PRKAR1A: variants seen among roughly 807,000 people sequenced by gnomAD.
PRKAR1A encodes the protein cAMP-dependent protein kinase type I-alpha regulatory subunit.
Under a neutral mutation model 52.0 loss-of-function variants are expected in PRKAR1A, and 3 were observed. The observed-to-expected ratio is 0.06, with a 90% confidence interval of 0.03 to 0.15. The LOEUF is 0.15. Among genes scored for constraint, PRKAR1A ranks in the 10% least tolerant of loss-of-function variants. PRKAR1A has a pLI of 1.00. For missense variants in PRKAR1A, 240 were observed against 477.4 expected, an observed-to-expected ratio of 0.50 and a Z score of 4.63; for synonymous variants, 188 against 168.4, an observed-to-expected ratio of 1.12 and a Z score of -0.90.
chr17:68,428,745 A>G, the PRKAR1A span: 1 of 1,043,714 alleles, frequency 9.6e-7, no homozygotes, highest in South Asian at 1.4e-5. Flanking sequence ...ATGCAAGGGC[A>G]CTGAAGCTTG....
chr17:68,426,251 G>GT, the PRKAR1A span: 1 of 825,454 alleles, frequency 1.2e-6, no homozygotes, highest in Admixed American at 2.3e-5. Context: ...GTGGGGAGCG[G>GT]GGGCTCAAAT....
In PRKAR1A at chr17:68,531,324, G is replaced by A. The variant is rs2085968692; in HGVS notation, c.*875G>A. ...CTTGGTTGTTAATTTAGAGCGTTTG[G>A]TTAAAGTATGTCCTTCAGCTGACTC... On this transcript the variant is annotated 3_prime_UTR_variant, in exon 11 of 11. Coordinates refer to ENST00000589228, the MANE Select transcript of PRKAR1A (RefSeq NM_002734.5). 1 of 1,065,888 alleles carries A rather than the reference G, an allele frequency of 9.4e-7. No homozygotes were observed. Among genetic ancestry groups the A allele is most frequent in the Non-Finnish European group, 1.1e-6 (1 of 879,532 alleles). The allele number at this position is 1,065,888 out of a possible 1,614,324, so 66.0% of individuals were successfully genotyped here.
the PRKAR1A span, among the ~76,000 whole-genome samples, chr17:68,433,760 G>GTTTTTTTTTTTT: frequency 1.9e-4 from 14 of 72,820 alleles, 2 homozygotes; most frequent in African/African-American, 7.2e-4. Flanking sequence ...AAGGGTCATA[G>GTTTTTTTTTTTT]TTTTTTTTTT....
chr17:68,444,478 A>G, the PRKAR1A span: 3 of 1,608,158 alleles, frequency 1.9e-6, no homozygotes. Context: ...CATTTGTTCC[A>G]TTTTTGGAGC....
At chr17:68,539,696 G>A (rs1227814699) in intron 11 of PRKAR1A, among the ~76,000 whole-genome samples, 3 of 152,254 alleles carry the variant, frequency 2.0e-5, no homozygotes, top group African/African-American at 7.2e-5. Flanking sequence ...TCTCAGGCTG[G>A]AGGAGGATCA....
the PRKAR1A span, among the ~76,000 whole-genome samples, chr17:68,486,515 T>C: frequency 3.2e-3 from 186 of 58,654 alleles, 1 homozygote; most frequent in Admixed American, 0.01. Context: ...CCTTCTTTCT[T>C]TCTTTCTTTC....
At chr17:68,465,071 G>A in the PRKAR1A span, among the ~76,000 whole-genome samples, 4 of 141,888 alleles carry the variant, frequency 2.8e-5, no homozygotes, top group Admixed American at 1.4e-4. Context: ...GACTACAGGC[G>A]CCCGCCACCA....
At chr17:68,528,077 C>T (rs565319688) in intron 8 of PRKAR1A, among the ~76,000 whole-genome samples, 177 bp downstream of exon 8, 7 of 152,258 alleles carry the variant, frequency 4.6e-5, no homozygotes, top group South Asian at 2.1e-4. Context: ...TGTGACTTCC[C>T]GTCTCTCTTG....
downstream of PRKAR1A, chr17:68,537,630 A>G (rs1326421454): frequency 6.2e-7 from 1 of 1,613,622 alleles, no homozygotes; most frequent in African/African-American, 1.3e-5. The surrounding 1 kb of genome is among the most constrained non-coding windows in gnomAD (Gnocchi z 4.2). Context: ...GGTGGGGTTC[A>G]GTGAGGACAG....
At chr17:68,551,172 C>A in exon 12 of PRKAR1A, 1 of 1,210,632 alleles carries the variant, frequency 8.3e-7, no homozygotes, top group Non-Finnish European at 1.0e-6. Context: ...GGCTGCAGAT[C>A]CTTTGGGGGC....
chr17:68,433,895 G>A, the PRKAR1A span, among the ~76,000 whole-genome samples: 4 of 146,180 alleles, frequency 2.7e-5, no homozygotes, highest in African/African-American at 1.0e-4. Context: ...CGATTCTCCT[G>A]CCTCAGCCTC....
the PRKAR1A span, chr17:68,424,308 G>T: frequency 1.1e-4 from 46 of 424,652 alleles, no homozygotes; most frequent in South Asian, 7.6e-4. Flanking sequence ...CCGCAGAGCC[G>T]ATGTGGGAAA....
chr17:68,417,110 A>AT, the PRKAR1A span, among the ~76,000 whole-genome samples: 1 of 152,084 alleles, frequency 6.6e-6, no homozygotes, highest in African/African-American at 2.4e-5. Context: ...GTAGGTTATT[A>AT]TTAAGTCTTA....
rs1484830787 is a variant in PRKAR1A at position 68,532,842 on chromosome 17, T to C, written c.*2393T>C. 1 of 1,066,436 alleles carries C rather than the reference T, an allele frequency of 9.4e-7. No homozygotes were observed. The highest frequency in any genetic ancestry group is 1.1e-6 in the Non-Finnish European group (1 of 879,780). 66.1% of individuals were successfully genotyped at this position (1,066,436 alleles called of 1,614,324 possible). A position where few individuals can be genotyped will look rare whatever the true frequency, so the allele number is the denominator to read the frequency against. ...GTCCTTCCCCGAAAGTCTACTCGGG[T>C]GGGCAAAAATGAAAAGGGGGAAAGT... On this transcript the variant is annotated 3_prime_UTR_variant, in exon 11 of 11. Coordinates refer to ENST00000589228, the MANE Select transcript of PRKAR1A (RefSeq NM_002734.5).
At chr17:68,504,302 T>TAA in the PRKAR1A span, among the ~76,000 whole-genome samples, 30 of 144,744 alleles carry the variant, frequency 2.1e-4, no homozygotes, top group African/African-American at 7.6e-4. Flanking sequence ...CCATCTCTAC[T>TAA]AAAAAAAAAA....
the PRKAR1A span, among the ~76,000 whole-genome samples, chr17:68,443,264 C>G: frequency 1.3e-5 from 2 of 152,106 alleles, no homozygotes; most frequent in African/African-American, 4.8e-5. Flanking sequence ...GCACTCGCCA[C>G]CATGCTCAGC....
the PRKAR1A span, among the ~76,000 whole-genome samples, chr17:68,455,505 A>C: frequency 0.25 from 37,606 of 152,096 alleles, 4,973 homozygotes; most frequent in Non-Finnish European, 0.28. Context: ...ACATTTATAG[A>C]AAAAGACATG....
At chr17:68,525,243 G>A (rs1055731602) in intron 6 of PRKAR1A, among the ~76,000 whole-genome samples, 37 of 149,290 alleles carry the variant, frequency 2.5e-4, no homozygotes, top group African/African-American at 8.9e-4. Flanking sequence ...GGTTGCTTGA[G>A]CCCAGGAGTT....
chr17:68,420,513 T>C, the PRKAR1A span: 2 of 1,579,912 alleles, frequency 1.3e-6, no homozygotes, highest in Non-Finnish European at 8.6e-7. Context: ...TTAGGCAAGT[T>C]TGCTTCCAAA....
Sources: allele counts gnomAD v4.1 joint callset (sites outside exome capture counted in the v4.1 genomes callset), GRCh38; gene constraint gnomAD v4.1.1; non-coding constraint Gnocchi (gnomAD v3.1); transcripts MANE v1.5; gene names NCBI Gene and HGNC (gene_info 2026-07-23, HGNC 2026-07-21).